ZNF215: variants seen among roughly 807,000 people sequenced by gnomAD.
ZNF215 encodes the protein BWSCR2-associated zinc finger protein 2.
In ZNF215, 24 loss-of-function variants were observed where a neutral mutation model predicts 27.2. The observed-to-expected ratio is 0.88, with a 90% confidence interval of 0.64 to 1.24. The LOEUF is 1.24. Among genes scored for constraint, ZNF215 ranks in the 50% most tolerant of loss-of-function variants. The pLI, the probability that ZNF215 is intolerant of heterozygous loss-of-function variation, is 0.00. For missense variants in ZNF215, 675 were observed against 605.7 expected, an observed-to-expected ratio of 1.11 and a Z score of -1.20; for synonymous variants, 210 against 204.0, an observed-to-expected ratio of 1.03 and a Z score of -0.25.
rs765417695 is a variant in ZNF215 at position 6,956,351 on chromosome 11, A to T, written c.1374A>T (p.Gly458=). Residue 458 remains glycine, a synonymous_variant, in exon 7 of 7, where the codon GGA becomes GGT. Transcript: ENST00000278319. ...GTAATAATCCAACACTCCATTTTGG[A>T]AACAATTTCTATCAATGTGTTAACT... ...EDSNNPTLHF[G]NNFYQCVNCG... 2 of 1,614,178 alleles carry T rather than the reference A, an allele frequency of 1.2e-6. No individual in the cohort carries two copies. The highest frequency in any genetic ancestry group is 1.7e-6 in the Non-Finnish European group (2 of 1,180,024).
chr11:6,994,189 TATTTTA>T (rs746800918), intron 6 of ZNF215, among the ~76,000 whole-genome samples: 19 of 12,390 alleles, frequency 1.5e-3, no homozygotes, highest in Non-Finnish European at 6.9e-3. Context: ...ATTTTATATA[TATTTTA>T]TATATTATAT....
rs1164912017 is a variant in ZNF215, at chr11:6,957,908, T to G, written c.*1377T>G. On this transcript the variant is annotated 3_prime_UTR_variant, in exon 7 of 7. Coordinates refer to ENST00000278319, the MANE Select transcript of ZNF215 (RefSeq NM_013250.4). Reference sequence around the variant, plus strand: ...TGGTTCTTGAGCCAAGAAGTATGACTTAATCTGCCCCAAAAAATTCACACT... The same window carrying G: ...TGGTTCTTGAGCCAAGAAGTATGACGTAATCTGCCCCAAAAAATTCACACT... 1 of 985,336 alleles carries G rather than the reference T, an allele frequency of 1.0e-6. No homozygotes were observed. Among genetic ancestry groups the G allele is most frequent in the Non-Finnish European group, 1.2e-6 (1 of 829,934 alleles). 61.0% of individuals were successfully genotyped at this position (985,336 alleles called of 1,614,324 possible).
rs961610065 is a variant in ZNF215, at chr11:6,956,971, G to A, written c.*440G>A. On this transcript the variant is annotated 3_prime_UTR_variant, in exon 7 of 7. Transcript: ENST00000278319. ...GTCACAAGAAATCATTAGCTCATGC[G>A]AATATAAGAGAATACTTCTAAGGAC... 4 of 988,706 alleles carry A rather than the reference G, an allele frequency of 4.0e-6. No homozygotes were observed. The highest frequency in any genetic ancestry group is 1.7e-5 in the African/African-American group (1 of 57,232). 61.2% of individuals were successfully genotyped at this position (988,706 alleles called of 1,614,324 possible).
chr11:6,982,823 C>T (rs1288541955), intron 5 of ZNF215, among the ~76,000 whole-genome samples: 1 of 151,962 alleles, frequency 6.6e-6, no homozygotes, highest in Admixed American at 6.6e-5. Context: ...CCAAAATTGA[C>T]ACCCTAACAT....
chr11:6,961,373 G>C (rs1850514725), downstream of ZNF215, among the ~76,000 whole-genome samples: 1 of 152,080 alleles, frequency 6.6e-6, no homozygotes, highest in Admixed American at 6.6e-5. Flanking sequence ...CAAATGTAAG[G>C]TGTAGTCAAG....
In ZNF215 at chr11:6,957,953, G is replaced by A; in HGVS notation, c.*1422G>A. ...CACACTGGAGACATTCCCAATTAATGATGATGGTAGCTTTTTGTGAAGGTT... is the reference window on the plus strand; with the variant it reads ...CACACTGGAGACATTCCCAATTAATAATGATGGTAGCTTTTTGTGAAGGTT... On this transcript the variant is annotated 3_prime_UTR_variant, in exon 7 of 7. Coordinates refer to ENST00000278319, the MANE Select transcript of ZNF215 (RefSeq NM_013250.4). 4.1e-6 allele frequency: 4 copies of A among 985,396 alleles called. No homozygotes were observed. Among genetic ancestry groups the A allele is most frequent in the Non-Finnish European group, 4.8e-6 (4 of 829,922 alleles). 61.0% of individuals were successfully genotyped at this position (985,396 alleles called of 1,614,324 possible). A position where few individuals can be genotyped will look rare whatever the true frequency, so the allele number is the denominator to read the frequency against.
At chr11:6,958,676 A>G (rs920630808), downstream of ZNF215, among the ~76,000 whole-genome samples, 22 of 152,204 alleles carry the variant, frequency 1.4e-4, no homozygotes, top group African/African-American at 4.6e-4. Flanking sequence ...AGGTCCCACA[A>G]TAGGCTGCCT....
At chr11:6,961,312 T>A (rs547503794), downstream of ZNF215, among the ~76,000 whole-genome samples, 3 of 152,074 alleles carry the variant, frequency 2.0e-5, no homozygotes, top group Non-Finnish European at 2.9e-5. Context: ...CTGGAGCCAA[T>A]GACAAGTGGT....
rs1590056634 is a variant in ZNF215, at chr11:6,943,626, A to G, written c.697A>G (p.Arg233Gly). 6.2e-7 allele frequency: 1 copy of G among 1,613,618 alleles called. No homozygotes were observed. The highest frequency in any genetic ancestry group is 1.3e-5 in the African/African-American group (1 of 75,046). ...KRWIMEKEIPRKTIFDMKSIS... is the reference protein window; with the variant it reads ...KRWIMEKEIPGKTIFDMKSIS... ...ATGGATAATGGAGAAAGAAATACCA[A>G]GGAAGACTATTTTTGGTAAGAACCA... is the stretch of plus-strand genomic sequence containing the variant. The change falls in exon 6 of 7, where the codon AGG becomes GGG. Residue 233 changes from arginine to glycine, a missense_variant. Transcript: ENST00000278319.
chr11:6,962,333 C>A (rs1850531872), downstream of ZNF215, among the ~76,000 whole-genome samples: 1 of 152,064 alleles, frequency 6.6e-6, no homozygotes, highest in Non-Finnish European at 1.5e-5. Context: ...TGGCTATAGC[C>A]ATGGAGTTAA....
chr11:6,952,563 C>CT (rs1165958238), intron 6 of ZNF215, among the ~76,000 whole-genome samples: 1 of 151,818 alleles, frequency 6.6e-6, no homozygotes, highest in African/African-American at 2.4e-5. Flanking sequence ...CAACCCCTAC[C>CT]TTTTTTTGTT....
At chr11:6,982,141 T>G (rs1295463697) in intron 5 of ZNF215, among the ~76,000 whole-genome samples, 2 of 152,030 alleles carry the variant, frequency 1.3e-5, no homozygotes, top group African/African-American at 2.4e-5. Context: ...TCCAATTCTG[T>G]GAAGAAAGTC....
rs778973367 is a variant in ZNF215 at position 6,956,216 on chromosome 11, G to A, written c.1239G>A (p.Gly413=). ...AACCCTATAAATGCAGTGAATGTGG[G>A]AGATTCTTCAACCGACGTACAAACC... ...GEKPYKCSEC[G]RFFNRRTNLT... is the part of the protein sequence containing the mutation. Residue 413 remains glycine, a synonymous_variant, in exon 7 of 7, where the codon GGG becomes GGA. Coordinates refer to ENST00000278319, the MANE Select transcript of ZNF215 (RefSeq NM_013250.4). The A allele has an allele frequency of 1.9e-6, 3 of 1,613,096 alleles. No individual in the cohort carries two copies. Among genetic ancestry groups the A allele is most frequent in the South Asian group, 2.2e-5 (2 of 90,864 alleles).
At position 6,932,177 on chromosome 11, in the gene ZNF215, C is replaced by T; in HGVS notation, c.-96C>T. ...CCGTGAAATAACTTGGCTTAAATCA[C>T]ACTGCATATAGTACACAGGTGCTTA... On this transcript the variant is annotated 5_prime_UTR_variant, in exon 3 of 7. Coordinates refer to ENST00000278319, the MANE Select transcript of ZNF215 (RefSeq NM_013250.4). The T allele has an allele frequency of 6.9e-7, 1 of 1,445,434 alleles. No individual in the cohort carries two copies. The allele number at this position is 1,445,434 out of a possible 1,614,324, so 89.5% of individuals were successfully genotyped here.
At chr11:6,954,665 C>T (rs1358553555) in intron 6 of ZNF215, among the ~76,000 whole-genome samples, 3 of 152,338 alleles carry the variant, frequency 2.0e-5, no homozygotes, top group South Asian at 2.1e-4. Context: ...GGAAAGGGAA[C>T]TCCCTGACCC....
intron 5 of ZNF215, among the ~76,000 whole-genome samples, chr11:6,978,557 T>C (rs151021149): frequency 1.4e-3 from 208 of 152,176 alleles, no homozygotes; most frequent in African/African-American, 4.4e-3. Context: ...CTTGAAATGA[T>C]TGAAAAATAT....
chr11:6,960,899 C>G (rs1056856623), downstream of ZNF215, among the ~76,000 whole-genome samples: 1 of 152,112 alleles, frequency 6.6e-6, no homozygotes, highest in African/African-American at 2.4e-5. Context: ...TTCTATCACC[C>G]TGGACCTTTG....
At chr11:6,933,562 C>T (rs930564020) in intron 3 of ZNF215, among the ~76,000 whole-genome samples, 7 of 151,792 alleles carry the variant, frequency 4.6e-5, no homozygotes, top group Non-Finnish European at 8.8e-5. Flanking sequence ...CCGAGGCGGG[C>T]AGATCACGAG....
chr11:6,955,091 G>A (rs976398547), intron 6 of ZNF215, among the ~76,000 whole-genome samples: 18 of 152,214 alleles, frequency 1.2e-4, no homozygotes, highest in Non-Finnish European at 2.4e-4. Context: ...AAGCACTAAT[G>A]TTGGAATTGG....
Sources: gnomAD v4.1 joint callset for allele counts (sites outside exome capture counted in the v4.1 genomes callset) on GRCh38, gnomAD v4.1.1 for gene constraint, MANE v1.5 for transcripts, NCBI Gene and HGNC (gene_info 2026-07-23, HGNC 2026-07-21) for gene names.